The following CHSY1 variants were observed in gnomAD, a reference collection of about 807,000 sequenced individuals.
CHSY1 encodes the protein chondroitin sulfate synthase 1, also known as N-acetylgalactosaminyl-proteoglycan 3-beta-glucuronosyltransferase 1.
A neutral mutation model predicts 59.8 loss-of-function variants in CHSY1; 13 were observed. That is an observed-to-expected ratio of 0.22 (90% confidence interval 0.14 to 0.35). The LOEUF (loss-of-function observed/expected upper bound fraction) is 0.35. Ranked by LOEUF, CHSY1 falls within the 10% of genes least tolerant of loss-of-function variation. The pLI, the probability that CHSY1 is intolerant of heterozygous loss-of-function variation, is 1.00. For missense variants in CHSY1, 947 were observed against 1,030.6 expected, an observed-to-expected ratio of 0.92 and a Z score of 1.11; for synonymous variants, 459 against 401.2, an observed-to-expected ratio of 1.14 and a Z score of -1.72.
intron 2 of CHSY1, among the ~76,000 whole-genome samples, chr15:101,193,529 C>T (rs76049476): frequency 0.016 from 2,421 of 152,336 alleles, 31 homozygotes; most frequent in East Asian, 0.074. Flanking sequence ...ACCAGCTGCC[C>T]GGGAGCAGGC....
At chr15:101,217,436 T>TAGC (rs2038745585) in intron 2 of CHSY1, among the ~76,000 whole-genome samples, 1 of 152,196 alleles carries the variant, frequency 6.6e-6, no homozygotes. Flanking sequence ...GACACCCCAA[T>TAGC]AGCAACAAGC....
At chr15:101,225,756 A>T (rs2038834834) in intron 2 of CHSY1, among the ~76,000 whole-genome samples, 1 of 152,156 alleles carries the variant, frequency 6.6e-6, no homozygotes, top group Non-Finnish European at 1.5e-5. Context: ...TTTCTTTATA[A>T]ATTACCCAGT....
intron 1 of CHSY1, among the ~76,000 whole-genome samples, chr15:101,245,311 C>CA: frequency 6.6e-6 from 1 of 152,196 alleles, no homozygotes; most frequent in Admixed American, 6.5e-5. Context: ...TGTAGGAAAC[C>CA]TGTAGTTGTC....
intron 2 of CHSY1, among the ~76,000 whole-genome samples, chr15:101,229,946 CT>C (rs796312516): frequency 0.012 from 1,664 of 142,198 alleles, 22 homozygotes; most frequent in African/African-American, 0.034. Flanking sequence ...CAATATCCCA[CT>C]TTTTTTTTTT....
chr15:101,209,272 A>T (rs12438346), intron 2 of CHSY1, among the ~76,000 whole-genome samples: 4,476 of 152,348 alleles, frequency 0.029, 295 homozygotes, highest in East Asian at 0.19. Flanking sequence ...ATGAGAAAAT[A>T]AATGCAAACT....
chr15:101,180,710 G>A (rs367878858), intron 2 of CHSY1, among the ~76,000 whole-genome samples: 19 of 152,320 alleles, frequency 1.2e-4, no homozygotes, highest in East Asian at 9.6e-4. Context: ...GACTGGCACC[G>A]GGACTCCTTC....
chr15:101,215,703 C>A (rs1034812631), intron 2 of CHSY1, among the ~76,000 whole-genome samples: 2 of 152,224 alleles, frequency 1.3e-5, no homozygotes, highest in Admixed American at 6.5e-5. Flanking sequence ...CCGCTGCACT[C>A]CAGCCTGGGC....
At chr15:101,227,537 C>A (rs2038852673) in intron 2 of CHSY1, among the ~76,000 whole-genome samples, 1 of 152,136 alleles carries the variant, frequency 6.6e-6, no homozygotes, top group Non-Finnish European at 1.5e-5. Context: ...GAATAAGATG[C>A]AATATGGGGT....
At chr15:101,218,974 A>T (rs1409617484) in intron 2 of CHSY1, among the ~76,000 whole-genome samples, 1 of 152,228 alleles carries the variant, frequency 6.6e-6, no homozygotes, top group Non-Finnish European at 1.5e-5. Flanking sequence ...ACAGAAAAAG[A>T]AAATGTGATC....
At chr15:101,213,377 A>G (rs2038701346) in intron 2 of CHSY1, among the ~76,000 whole-genome samples, 1 of 143,062 alleles carries the variant, frequency 7.0e-6, no homozygotes, top group African/African-American at 2.6e-5. Flanking sequence ...TTACCATTAG[A>G]CAAATGGTAG....
intron 2 of CHSY1, among the ~76,000 whole-genome samples, chr15:101,233,853 G>T (rs2038914641): frequency 6.6e-6 from 1 of 152,176 alleles, no homozygotes; most frequent in Admixed American, 6.5e-5. Context: ...ACAAGTACAG[G>T]CAAGAATACT....
At chr15:101,208,655 G>C (rs2038651811) in intron 2 of CHSY1, among the ~76,000 whole-genome samples, 2 of 150,096 alleles carry the variant, frequency 1.3e-5, no homozygotes, top group Admixed American at 6.6e-5. Flanking sequence ...GGAGGTTGCA[G>C]TGAACCGAGA....
chr15:101,191,415 C>T (rs1337797416), intron 2 of CHSY1, among the ~76,000 whole-genome samples: 1 of 152,102 alleles, frequency 6.6e-6, no homozygotes, highest in African/African-American at 2.4e-5. Flanking sequence ...CCAGGGGTTA[C>T]AGGGGAAGGA....
chr15:101,236,718 G>C (rs1471952828), intron 1 of CHSY1, among the ~76,000 whole-genome samples: 1 of 152,028 alleles, frequency 6.6e-6, no homozygotes, highest in East Asian at 1.9e-4. Context: ...CCAGCTACTA[G>C]CGAGGCTAAG....
intron 2 of CHSY1, among the ~76,000 whole-genome samples, chr15:101,207,644 C>T (rs1195078355): frequency 6.6e-6 from 1 of 152,114 alleles, no homozygotes; most frequent in African/African-American, 2.4e-5. Flanking sequence ...CAAATAAACA[C>T]TCAAAGAAAA....
chr15:101,228,938 T>G (rs12594781), intron 2 of CHSY1, among the ~76,000 whole-genome samples: 23,922 of 152,200 alleles, frequency 0.16, 2,027 homozygotes, highest in African/African-American at 0.21. Flanking sequence ...TATAAAGATA[T>G]AATTTATTTG....
intron 2 of CHSY1, among the ~76,000 whole-genome samples, chr15:101,195,133 C>T (rs1047397845): frequency 6.6e-6 from 1 of 152,134 alleles, no homozygotes; most frequent in African/African-American, 2.4e-5. Flanking sequence ...ACAATATATA[C>T]TTATTATAAA....
intron 1 of CHSY1, among the ~76,000 whole-genome samples, chr15:101,242,162 G>T (rs2039009639): frequency 6.9e-6 from 1 of 144,652 alleles, no homozygotes; most frequent in Non-Finnish European, 1.5e-5. Flanking sequence ...TTACAGAAGG[G>T]ATTTAAGACA....
At chr15:101,221,994 A>C (rs1189669035) in intron 2 of CHSY1, among the ~76,000 whole-genome samples, 1 of 152,208 alleles carries the variant, frequency 6.6e-6, no homozygotes, top group East Asian at 1.9e-4. Context: ...TTGCTGAGTG[A>C]ACGCTGAAAG....
Sources: gnomAD v4.1 joint callset for allele counts (sites outside exome capture counted in the v4.1 genomes callset) on GRCh38, gnomAD v4.1.1 for gene constraint, MANE v1.5 for transcripts, NCBI Gene and HGNC (gene_info 2026-07-23, HGNC 2026-07-21) for gene names.